SETD5: variants seen among roughly 807,000 people sequenced by gnomAD.
The protein encoded by SETD5 is SET domain containing 5.
In SETD5, 44 loss-of-function variants were observed where a neutral mutation model predicts 153.3. That is an observed-to-expected ratio of 0.29 (90% CI 0.23 to 0.37). SETD5 has a LOEUF of 0.37. Ranked by LOEUF, SETD5 falls within the 10% of genes least tolerant of loss-of-function variation. The probability of loss-of-function intolerance (pLI) is 1.00; values close to 1 mark genes in which losing one functional copy is unlikely to be tolerated. For synonymous variants in SETD5, 716 were observed against 645.2 expected (o/e 1.11, Z -1.66); for missense variants, 1,544 against 1,768.0 (o/e 0.87, Z 2.27).
chr3:9,400,396 A>T (rs1196229582), intron 1 of SETD5, among the ~76,000 whole-genome samples: 1 of 152,082 alleles, frequency 6.6e-6, no homozygotes, highest in Non-Finnish European at 1.5e-5. Context: ...AATAACAGGA[A>T]TTTTTTCCTG....
At chr3:9,412,576 A>G (rs1292291190) in intron 1 of SETD5, among the ~76,000 whole-genome samples, 2 of 151,674 alleles carry the variant, frequency 1.3e-5, no homozygotes, top group East Asian at 3.9e-4. Context: ...CTAATTTTTT[A>G]AAAAATATCT....
chr3:9,436,978 A>G, intron 7 of SETD5: 1 of 1,166,218 alleles, frequency 8.6e-7, no homozygotes, highest in East Asian at 2.7e-5. Context: ...TGGTCTGGGA[A>G]TCTTGGACTC....
intron 1 of SETD5, among the ~76,000 whole-genome samples, chr3:9,420,958 C>G (rs911715002): frequency 5.3e-5 from 8 of 152,044 alleles, no homozygotes; most frequent in Non-Finnish European, 1.2e-4. Context: ...AGCAGCAGCT[C>G]CTCTTTCTTC....
chr3:9,434,619 T>C lies in SETD5; in HGVS notation c.329+134T>C. 6.7e-7 allele frequency: 1 copy of C among 1,490,716 alleles called. No individual in the cohort carries two copies. The highest frequency in any genetic ancestry group is 8.9e-7 in the Non-Finnish European group (1 of 1,119,928). The allele number at this position is 1,490,716 out of a possible 1,614,324, so 92.3% of individuals were successfully genotyped here. On this transcript the variant is annotated intron_variant, in intron 5 of 22. Coordinates refer to ENST00000402198, the MANE Select transcript of SETD5 (RefSeq NM_001080517.3). This position sits in a 1 kb window ranked among gnomAD's most constrained non-coding sequence, Gnocchi z 5.6. The stretch of plus-strand genomic sequence containing the variant: ...TTCCTTAGTGCTCCTTGGCTCGAAT[T>C]CTCTGCACTAGGTGAGAATTGCTGA...
At chr3:9,454,641 A>AAAAAAAAAC (rs2043011989) in intron 17 of SETD5, among the ~76,000 whole-genome samples, 3 of 151,356 alleles carry the variant, frequency 2.0e-5, no homozygotes, top group African/African-American at 4.8e-5. Context: ...AAAAAAAAAA[A>AAAAAAAAAC]AAAAAAAAAC....
At chr3:9,402,441 T>G (rs1270305317) in intron 1 of SETD5, among the ~76,000 whole-genome samples, 2 of 152,226 alleles carry the variant, frequency 1.3e-5, no homozygotes, top group Non-Finnish European at 2.9e-5. Context: ...GGGAATACCT[T>G]ACTTAATGTA....
intron 21 of SETD5, 125 bp downstream of exon 21, chr3:9,474,707 A>G: frequency 7.5e-7 from 1 of 1,335,082 alleles, no homozygotes; most frequent in Non-Finnish European, 1.0e-6. Context: ...ACCGCATGCT[A>G]GGTTCCAGCC....
At position 9,452,659 on chromosome 3, in the gene SETD5, ATTTTTTTTTTT is replaced by A. The variant is rs1164278885; in HGVS notation, c.2347-1065_2347-1055del. 9.9e-4 allele frequency among the ~76,000 whole-genome samples: 59 copies of A among 59,814 alleles called. 1 individual carries two copies. The highest frequency in any genetic ancestry group is 4.2e-3 in the African/African-American group (58 of 13,894). The allele number at this position is 59,814 out of a possible 152,430, so 39.2% of individuals were successfully genotyped here. ...CACAATGACATTTGTATGATGTAAG[ATTTTTTTTTTT>A]TTTTTTTTTTTTTTGGTAAAATTTT... On this transcript the variant is annotated intron_variant, in intron 16 of 22. Coordinates refer to ENST00000402198, the MANE Select transcript of SETD5 (RefSeq NM_001080517.3).
intron 1 of SETD5, among the ~76,000 whole-genome samples, chr3:9,418,893 C>T (rs1321799297): frequency 6.6e-6 from 1 of 152,064 alleles, no homozygotes; most frequent in Non-Finnish European, 1.5e-5. Flanking sequence ...GTGGTGTAAT[C>T]TTGGCTCACT....
At chr3:9,427,750 T>A (rs1280631470) in intron 2 of SETD5, among the ~76,000 whole-genome samples, 1 of 152,104 alleles carries the variant, frequency 6.6e-6, no homozygotes, top group African/African-American at 2.4e-5. Flanking sequence ...TTGACTTTAT[T>A]CCCCCCCAAA....
chr3:9,431,309 G>A, intron 3 of SETD5: 1 of 985,404 alleles, frequency 1.0e-6, no homozygotes, highest in Non-Finnish European at 1.2e-6. Context: ...TTAGAACACT[G>A]TTGATGGAGT....
chr3:9,473,443 T>G lies in SETD5; in HGVS notation c.3403T>G (p.Ser1135Ala), dbSNP rs765837490. The change falls in exon 20 of 23, where the codon TCC becomes GCC. Residue 1135 changes from serine (S) to alanine (A), a missense_variant. Physicochemically the swap from Ser to Ala is moderately conservative, Grantham distance 99. This residue lies in a region of SETD5 where 93 missense variants were observed against 93.4 expected (regional missense o/e 1.00). Coordinates refer to ENST00000402198, the MANE Select transcript of SETD5 (RefSeq NM_001080517.3). The stretch of plus-strand genomic sequence containing the variant: ...TCACAAAAAATTCTCCCCATCTCAT[T>G]CCTCTATGTCCCATTTGGAGGCGGT... ...SPHKKFSPSHSSMSHLEAVSP... is the reference protein window; with the variant it reads ...SPHKKFSPSHASMSHLEAVSP... The G allele has an allele frequency of 3.7e-6, 6 of 1,613,914 alleles. No individual in the cohort carries two copies. The East Asian group carries it at 1.3e-4, about 36-fold the overall frequency.
chr3:9,477,847 C>G lies in SETD5; in HGVS notation c.*1756C>G, dbSNP rs911326608. ...ATATAAAACGTATGTAAATGTCTCTCCATTTGGGCTGGGGTTTGCATTCTC... is the reference window on the plus strand; with the variant it reads ...ATATAAAACGTATGTAAATGTCTCTGCATTTGGGCTGGGGTTTGCATTCTC... On this transcript the variant is annotated 3_prime_UTR_variant, in exon 23 of 23. Coordinates refer to ENST00000402198, the MANE Select transcript of SETD5 (RefSeq NM_001080517.3). 1 of 152,348 alleles carries G rather than the reference C, an allele frequency of 6.6e-6. No homozygotes were observed. The highest frequency in any genetic ancestry group is 1.5e-5 in the Non-Finnish European group (1 of 68,008). The allele number at this position is 152,348 out of a possible 1,614,324, so 9.4% of individuals were successfully genotyped here.
rs1360786946 is a variant in SETD5, at chr3:9,440,704, C to T, written c.810+6C>T. On this transcript the variant is annotated splice_donor_region_variant and intron_variant, in intron 8 of 22. Transcript: ENST00000402198. ...TTATTGGTTCCCAAATGCAGGTAAG[C>T]ACCAAAGGGTTGAGGACTCTCTAAG... The T allele has an allele frequency of 6.2e-7, 1 of 1,611,302 alleles. No individual in the cohort carries two copies. The highest frequency in any genetic ancestry group is 1.7e-5 in the Admixed American group (1 of 59,688).
chr3:9,470,677 C>G lies in SETD5; in HGVS notation c.2943C>G (p.Phe981Leu). The G allele has an allele frequency of 6.2e-7, 1 of 1,613,954 alleles. No homozygotes were observed. Among genetic ancestry groups the G allele is most frequent in the Non-Finnish European group, 8.5e-7 (1 of 1,179,884 alleles). Residue 981 changes from phenylalanine (F) to leucine (L), a missense_variant, in exon 19 of 23, where the codon TTC becomes TTG. This residue lies in a region of SETD5 where 782 missense variants were observed against 787.2 expected (regional missense o/e 0.99). Transcript: ENST00000402198. ...CAGACCAGGCATTTCGGACAGAGTT[C>G]AACTTGATGTATGCCTACTCCCCTT... Reference protein sequence around the residue: ...RNSDQAFRTEFNLMYAYSPLN... With the variant: ...RNSDQAFRTELNLMYAYSPLN...
Position 9,475,614 on chromosome 3 carries a change from C to G in SETD5, c.3852C>G (p.Pro1284=). 6.2e-7 allele frequency: 1 copy of G among 1,613,896 alleles called. No individual in the cohort carries two copies. ...YRTTALRPGN[P]PSHGSSESSL... Reference sequence around the variant, plus strand: ...CTACTGCACTGAGACCTGGAAACCCCCCCTCTCACGGTTCTTCAGAATCAT... The same window carrying G: ...CTACTGCACTGAGACCTGGAAACCCGCCCTCTCACGGTTCTTCAGAATCAT... The change falls in exon 23 of 23, where the codon CCC becomes CCG. Residue 1284 remains proline, a synonymous_variant. Transcript: ENST00000402198.
At chr3:9,402,120 T>C (rs540115798) in intron 1 of SETD5, among the ~76,000 whole-genome samples, 9 of 152,350 alleles carry the variant, frequency 5.9e-5, no homozygotes, top group South Asian at 4.1e-4. Context: ...TTCACTTGTC[T>C]ATATACATTT....
intron 1 of SETD5, among the ~76,000 whole-genome samples, chr3:9,398,774 A>C (rs1260306174): frequency 6.6e-6 from 1 of 152,146 alleles, no homozygotes; most frequent in Non-Finnish European, 1.5e-5. Flanking sequence ...GCCCTGGTTC[A>C]AGTAGGTAAA....
rs2044339704 is a variant in SETD5 at position 9,464,570 on chromosome 3, T to C, written c.2622T>C (p.Ser874=). The C allele has an allele frequency of 6.2e-7, 1 of 1,613,894 alleles. No individual in the cohort carries two copies. The highest frequency in any genetic ancestry group is 8.5e-7 in the Non-Finnish European group (1 of 1,179,880). The change falls in exon 18 of 23, where the codon TCT becomes TCC. Residue 874 remains serine, a synonymous_variant. Coordinates refer to ENST00000402198, the MANE Select transcript of SETD5 (RefSeq NM_001080517.3). ...KSPQLATPGS[S]HPGEEECRNG... is the part of the protein sequence containing the mutation. ...CCCAGCTGGCCACACCTGGCTCATC[T>C]CACCCAGGAGAAGAGGAGTGTCGAA...
Sources: allele counts gnomAD v4.1 joint callset (sites outside exome capture counted in the v4.1 genomes callset), GRCh38; gene constraint gnomAD v4.1.1; regional missense constraint gnomAD v4.1.1; non-coding constraint Gnocchi (gnomAD v3.1); transcripts MANE v1.5; gene names NCBI Gene and HGNC (gene_info 2026-07-23, HGNC 2026-07-21).